Variants in REPS2 observed in about 807,000 individuals in gnomAD.
REPS2 encodes the protein ralBP1-associated Eps domain-containing protein 2.
Under a neutral mutation model 53.6 loss-of-function variants are expected in REPS2, and 23 were observed. The observed-to-expected ratio is 0.43, with a 90% confidence interval of 0.31 to 0.61. The LOEUF is 0.61. Ranked by LOEUF, REPS2 falls within the 20% of genes least tolerant of loss-of-function variation. REPS2 has a pLI of 0.11. For synonymous variants in REPS2, 238 were observed against 218.6 expected, an observed-to-expected ratio of 1.09 and a Z score of -0.78; for missense variants, 446 against 534.9, an observed-to-expected ratio of 0.83 and a Z score of 1.64.
intron 8 of REPS2, among the ~76,000 whole-genome samples, chrX:17,061,142 C>A (rs866440590): frequency 8.9e-6 from 1 of 112,195 alleles, no homozygotes; most frequent in Admixed American, 9.4e-5. Context: ...AAAGAGAAAT[C>A]GGTGAAATTC....
chrX:16,964,454 C>A (rs1167906834), intron 1 of REPS2, among the ~76,000 whole-genome samples: 2 of 108,571 alleles, frequency 1.8e-5, no homozygotes, highest in Non-Finnish European at 3.8e-5. Context: ...CGGCAACCAT[C>A]CGATTTCTCA....
At chrX:17,124,491 G>C (rs1416093287) in intron 14 of REPS2, among the ~76,000 whole-genome samples, 2 of 111,541 alleles carry the variant, frequency 1.8e-5, no homozygotes, top group Non-Finnish European at 3.8e-5. Flanking sequence ...GAGCCTGGTT[G>C]GGGAATGATG....
intron 5 of REPS2, among the ~76,000 whole-genome samples, chrX:17,033,307 C>T (rs1162092796): frequency 9.0e-6 from 1 of 111,428 alleles, no homozygotes; most frequent in Admixed American, 9.6e-5. Flanking sequence ...TGTTTCAATC[C>T]TCCTTCCTCT....
chrX:17,162,481 C>A, the REPS2 span, among the ~76,000 whole-genome samples: 3 of 112,884 alleles, frequency 2.7e-5, no homozygotes, highest in African/African-American at 6.4e-5. Flanking sequence ...GGTTTGAGTG[C>A]ATACTCAGGG....
chrX:17,021,177 A>C (rs1448753853), intron 2 of REPS2, among the ~76,000 whole-genome samples: 2 of 112,534 alleles, frequency 1.8e-5, no homozygotes, highest in East Asian at 2.8e-4. Context: ...ATACAGATGC[A>C]AATCATTATG....
chrX:16,962,454 C>T (rs2060677163), intron 1 of REPS2, among the ~76,000 whole-genome samples: 1 of 110,731 alleles, frequency 9.0e-6, no homozygotes, highest in Admixed American at 9.6e-5. Flanking sequence ...TTATCTGGAA[C>T]CTGAAAAAAA....
intron 1 of REPS2, among the ~76,000 whole-genome samples, chrX:16,975,778 C>A (rs186422259): frequency 7.0e-4 from 78 of 112,091 alleles, no homozygotes; most frequent in African/African-American, 2.4e-3. Context: ...CACAGTCATT[C>A]GGATTGAATA....
At chrX:16,972,167 A>G (rs2060902634) in intron 1 of REPS2, among the ~76,000 whole-genome samples, 1 of 112,011 alleles carries the variant, frequency 8.9e-6, no homozygotes, top group Non-Finnish European at 1.9e-5. Context: ...AAAGTTAGGT[A>G]CTGATGGTTC....
Position 16,946,682 on chromosome X carries a change from C to T in REPS2, c.-180C>T, listed in dbSNP as rs1380472598. ...CAACATTCAAGCCCGGGGGTGGGGC[C>T]GGCGCGCGCCGGGAGGAAGCGGCCG... On this transcript the variant is annotated 5_prime_UTR_variant, in exon 1 of 18. Coordinates refer to ENST00000357277, the MANE Select transcript of REPS2 (RefSeq NM_004726.3). 5 of 376,841 alleles carry T rather than the reference C, an allele frequency of 1.3e-5. No homozygotes were observed. The Admixed American group carries it at 3.8e-4, about 29-fold the overall frequency. The allele number at this position is 376,841 out of a possible 1,213,427, so 31.1% of individuals were successfully genotyped here.
At chrX:16,989,251 C>CAAA (rs35448158) in intron 1 of REPS2, among the ~76,000 whole-genome samples, 1 of 91,980 alleles carries the variant, frequency 1.1e-5, no homozygotes, top group African/African-American at 3.9e-5. Context: ...ATCAATATGT[C>CAAA]AAAAAAAAAA....
intron 14 of REPS2, among the ~76,000 whole-genome samples, chrX:17,119,581 T>C (rs761937960): frequency 1.2e-4 from 14 of 112,158 alleles, no homozygotes; most frequent in African/African-American, 4.5e-4. Flanking sequence ...CCTTATCCTG[T>C]AGTTCCTTTA....
the REPS2 span, among the ~76,000 whole-genome samples, chrX:17,176,454 G>A: frequency 2.7e-5 from 3 of 112,068 alleles, no homozygotes; most frequent in Non-Finnish European, 5.6e-5. Flanking sequence ...ACAGCTCAGA[G>A]CAGAGAACAA....
At chrX:16,976,341 T>C (rs2147712093) in intron 1 of REPS2, among the ~76,000 whole-genome samples, 1 of 110,913 alleles carries the variant, frequency 9.0e-6, no homozygotes, top group African/African-American at 3.3e-5. Flanking sequence ...AATCTTTACC[T>C]CTGGGGGTGG....
chrX:17,171,396 C>T, the REPS2 span, among the ~76,000 whole-genome samples: 1,095 of 112,179 alleles, frequency 9.8e-3, 11 homozygotes, highest in African/African-American at 0.034. Context: ...AGAAGCATAA[C>T]GCTAATTTTA....
intron 1 of REPS2, among the ~76,000 whole-genome samples, chrX:16,972,311 A>C (rs2060904414): frequency 8.9e-6 from 1 of 112,340 alleles, no homozygotes; most frequent in Non-Finnish European, 1.9e-5. Flanking sequence ...TTCAGTTCTA[A>C]ATGTGAGGAA....
chrX:16,986,245 A>G (rs1479030072), intron 1 of REPS2, among the ~76,000 whole-genome samples: 2 of 111,598 alleles, frequency 1.8e-5, no homozygotes, highest in Admixed American at 1.9e-4. Flanking sequence ...GCATCATGTT[A>G]TATTGGGACC....
intron 1 of REPS2, among the ~76,000 whole-genome samples, chrX:16,960,559 C>CCG (rs2060648363): frequency 8.9e-6 from 1 of 112,009 alleles, no homozygotes; most frequent in East Asian, 2.8e-4. Context: ...AAACTGAAAG[C>CCG]TTTTTTTCTA....
At chrX:17,066,163 T>G (rs1477149023) in intron 9 of REPS2, among the ~76,000 whole-genome samples, 1 of 112,326 alleles carries the variant, frequency 8.9e-6, no homozygotes, top group East Asian at 2.8e-4. Context: ...CCACAGTGTC[T>G]TGATAATTTT....
chrX:17,054,441 C>T (rs1333784496), intron 7 of REPS2, among the ~76,000 whole-genome samples: 1 of 112,217 alleles, frequency 8.9e-6, no homozygotes, highest in Non-Finnish European at 1.9e-5. Context: ...CTGTTTTGAA[C>T]ACCATGTCCA....
Sources: gnomAD v4.1 joint callset for allele counts (sites outside exome capture counted in the v4.1 genomes callset) on GRCh38, gnomAD v4.1.1 for gene constraint, MANE v1.5 for transcripts, NCBI Gene and HGNC (gene_info 2026-07-23, HGNC 2026-07-21) for gene names.